Variants in SELPLG observed in about 807,000 individuals in gnomAD.
SELPLG encodes the protein P-selectin glycoprotein ligand 1.
In SELPLG, 2 loss-of-function variants were observed where a neutral mutation model predicts 1.1. That is an observed-to-expected ratio of 1.82 (90% CI 0.74 to 5.71). The LOEUF (loss-of-function observed/expected upper bound fraction) is 5.71, where lower values mean the gene tolerates loss of function less well. Among genes scored for constraint, SELPLG ranks in the 30% most tolerant of loss-of-function variants. SELPLG has a pLI of 0.05. For missense variants in SELPLG, 478 were observed against 524.7 expected, an observed-to-expected ratio of 0.91 and a Z score of 0.87; for synonymous variants, 230 against 221.2, an observed-to-expected ratio of 1.04 and a Z score of -0.35.
intron 1 of SELPLG, among the ~76,000 whole-genome samples, chr12:108,626,116 T>C (rs2031931513): frequency 6.7e-6 from 1 of 150,204 alleles, no homozygotes; most frequent in Non-Finnish European, 1.5e-5. Flanking sequence ...TAGAATTATG[T>C]TGGTTTCTTT....
intron 1 of SELPLG, among the ~76,000 whole-genome samples, chr12:108,629,112 C>T (rs1226898486): frequency 2.0e-5 from 3 of 152,162 alleles, no homozygotes; most frequent in Admixed American, 2.0e-4. Flanking sequence ...CTCTCTACCT[C>T]CCCTGTGGGT....
At chr12:108,631,629 G>A (rs2032055509) in intron 1 of SELPLG, among the ~76,000 whole-genome samples, 1 of 152,048 alleles carries the variant, frequency 6.6e-6, no homozygotes, top group African/African-American at 2.4e-5. Context: ...AGTGTTAGTT[G>A]AGATTTTTTT....
Position 108,622,748 on chromosome 12 carries a change from T to C in SELPLG, c.*321A>G, listed in dbSNP as rs2031844377. 1 of 302,676 alleles carries C rather than the reference T, an allele frequency of 3.3e-6. No individual in the cohort carries two copies. The highest frequency in any genetic ancestry group is 4.6e-5 in the Admixed American group (1 of 21,914). 18.7% of individuals were successfully genotyped at this position (302,676 alleles called of 1,614,324 possible). A position where few individuals can be genotyped will look rare whatever the true frequency, so the allele number is the denominator to read the frequency against. ...GAGAAGCGGGGAGAGCCATGGGAGA[T>C]GTTAGAGGGACCCAGAGAAGATGGG... On this transcript the variant is annotated 3_prime_UTR_variant, in exon 2 of 2. Transcript: ENST00000550948.
intron 1 of SELPLG, among the ~76,000 whole-genome samples, chr12:108,624,686 CTTTTTTCTTTT>C (rs1053488224): frequency 7.0e-5 from 10 of 143,002 alleles, no homozygotes; most frequent in African/African-American, 2.7e-4. Flanking sequence ...CATGTCACTC[CTTTTTTCTTTT>C]TTTTTTTTTT....
intron 1 of SELPLG, chr12:108,632,097 A>C: frequency 1.6e-6 from 1 of 629,874 alleles, no homozygotes; most frequent in Non-Finnish European, 2.8e-6. Flanking sequence ...AGCTCCTCTG[A>C]ATGCCCCACT....
At chr12:108,632,209 G>A in intron 1 of SELPLG, 1 of 408,884 alleles carries the variant, frequency 2.4e-6, no homozygotes, top group South Asian at 3.7e-5. Context: ...CCAGGGCACG[G>A]CCTCGGAAGA....
chr12:108,623,735 T>C lies in SELPLG; in HGVS notation c.573A>G (p.Ala191=). 1.9e-6 allele frequency: 3 copies of C among 1,607,066 alleles called. No homozygotes were observed. The highest frequency in any genetic ancestry group is 2.5e-6 in the Non-Finnish European group (3 of 1,177,710). ...CCATGGCTGCTGGTGCAGTGGTCTG[T>C]GCCTCCAGGCCTGTGGGTTGAGTGG... is the stretch of plus-strand genomic sequence containing the variant. The part of the protein sequence containing the change: ...AQTTQPTGLE[A]QTTAPAAMEA... The change falls in exon 2 of 2, where the codon GCA becomes GCG. Residue 191 remains alanine (A), a synonymous_variant. Transcript: ENST00000550948.
intron 1 of SELPLG, among the ~76,000 whole-genome samples, chr12:108,632,825 AATT>A (rs545944078): frequency 3.3e-5 from 5 of 152,054 alleles, no homozygotes; most frequent in Admixed American, 6.5e-5. Context: ...CAAATATTCT[AATT>A]ATTATTATTA....
rs1311065182 is a variant in SELPLG, at chr12:108,623,879, G to A, written c.429C>T (p.Thr143=). 1 of 1,067,666 alleles carries A rather than the reference G, an allele frequency of 9.4e-7. No homozygotes were observed. The highest frequency in any genetic ancestry group is 1.3e-6 in the Non-Finnish European group (1 of 779,432). 66.1% of individuals were successfully genotyped at this position (1,067,666 alleles called of 1,614,324 possible). The change falls in exon 2 of 2, where the codon ACC becomes ACT. Residue 143 remains threonine (T), a synonymous_variant. Coordinates refer to ENST00000550948, the MANE Select transcript of SELPLG (RefSeq NM_003006.4). ...GTGCCTCTGTGGCTGCCAGTGGAGT[G>A]GTCTGTGCCTCCGTGGGCACTGGTT... The part of the protein sequence containing the change: ...TTQPVPTEAQ[T]TPLAATEAQT...
At chr12:108,626,924 G>A (rs561140993) in intron 1 of SELPLG, among the ~76,000 whole-genome samples, 2 of 152,244 alleles carry the variant, frequency 1.3e-5, no homozygotes, top group East Asian at 3.9e-4. Context: ...GGCCAACATG[G>A]TGAAACCCTG....
intron 1 of SELPLG, 97 bp from the exon 2 acceptor site, chr12:108,624,409 G>T: frequency 8.6e-7 from 1 of 1,169,124 alleles, no homozygotes. Flanking sequence ...ACAGCTGGAA[G>T]CATGTCTGGT....
At chr12:108,631,224 C>T (rs1427211439) in intron 1 of SELPLG, among the ~76,000 whole-genome samples, 5 of 152,202 alleles carry the variant, frequency 3.3e-5, no homozygotes, top group Non-Finnish European at 7.3e-5. Flanking sequence ...TCTCTGTAGA[C>T]ATTTTTTCCC....
intron 1 of SELPLG, among the ~76,000 whole-genome samples, 158 bp downstream of exon 1, chr12:108,633,582 T>C (rs935587129): frequency 1.3e-5 from 2 of 152,142 alleles, no homozygotes; most frequent in Non-Finnish European, 2.9e-5. Flanking sequence ...AGGAAGACTT[T>C]AGTCTTGAGT....
In SELPLG at chr12:108,623,030, G is replaced by A. The variant is rs8179162; in HGVS notation, c.*39C>T. The A allele has an allele frequency of 0.018, 25,968 of 1,456,560 alleles. 444 individuals carry two copies. Among genetic ancestry groups the A allele is most frequent in the South Asian group, 0.072 (4,927 of 68,612 alleles). 90.2% of individuals were successfully genotyped at this position (1,456,560 alleles called of 1,614,324 possible). A position where few individuals can be genotyped will look rare whatever the true frequency, so the allele number is the denominator to read the frequency against. On this transcript the variant is annotated 3_prime_UTR_variant, in exon 2 of 2. Transcript: ENST00000550948. ...ACTCAGGGGTGGCCCAGGAGAGCCCGTGGAGGTGGGGTCTTGCCAAAACAG... is the reference window on the plus strand; with the variant it reads ...ACTCAGGGGTGGCCCAGGAGAGCCCATGGAGGTGGGGTCTTGCCAAAACAG...
At chr12:108,629,642 G>C (rs1046288100) in intron 1 of SELPLG, among the ~76,000 whole-genome samples, 1 of 152,146 alleles carries the variant, frequency 6.6e-6, no homozygotes, top group Non-Finnish European at 1.5e-5. Flanking sequence ...CCAGGTCAAG[G>C]CTGCAGTGAG....
Position 108,632,120 on chromosome 12 carries a change from T to A in SELPLG, c.-6+1620A>T, listed in dbSNP as rs779731401. 6 of 596,146 alleles carry A rather than the reference T, an allele frequency of 1.0e-5. No homozygotes were observed. In the South Asian group the frequency reaches 1.2e-4, roughly 12 times the overall value. 36.9% of individuals were successfully genotyped at this position (596,146 alleles called of 1,614,324 possible). ...TGAATGCCCCACTCTGGGCCCAGCC[T>A]AGCAACCCAGCCCTTCCGCTCTCTG... On this transcript the variant is annotated intron_variant, in intron 1 of 1. Coordinates refer to ENST00000550948, the MANE Select transcript of SELPLG (RefSeq NM_003006.4).
chr12:108,624,332 G>A lies in SELPLG; in HGVS notation c.-5-20C>T, dbSNP rs566444201. 81 of 1,606,428 alleles carry A rather than the reference G, an allele frequency of 5.0e-5. No individual in the cohort carries two copies. The highest frequency in any genetic ancestry group is 6.0e-5 in the Non-Finnish European group (70 of 1,175,824). ...TGGCACCTAGGAGGAGACAATGGGCGGAGGGATGTCAAGACAGTTTCACCC... is the reference window on the plus strand; with the variant it reads ...TGGCACCTAGGAGGAGACAATGGGCAGAGGGATGTCAAGACAGTTTCACCC... On this transcript the variant is annotated intron_variant, in intron 1 of 1. Coordinates refer to ENST00000550948, the MANE Select transcript of SELPLG (RefSeq NM_003006.4).
rs1301611274 is a variant in SELPLG at position 108,623,311 on chromosome 12, T to C, written c.997A>G (p.Ile333Val). 13 of 1,613,910 alleles carry C rather than the reference T, an allele frequency of 8.1e-6. No homozygotes were observed. Among genetic ancestry groups the C allele is most frequent in the Admixed American group, 1.7e-5 (1 of 59,998 alleles). Residue 333 changes from isoleucine (I) to valine (V), a missense_variant, in exon 2 of 2, where the codon ATC (isoleucine) becomes GTC (valine). Physicochemically the swap from Ile to Val is conservative, Grantham distance 29. Coordinates refer to ENST00000550948, the MANE Select transcript of SELPLG (RefSeq NM_003006.4). ...AGCACCACAGTGCACACGAAGAAGA[T>C]AGTGGCCACCAGCGCCAAGATTAGG... ...AILILALVATIFFVCTVVLAV... is the reference protein window; with the variant it reads ...AILILALVATVFFVCTVVLAV...
intron 1 of SELPLG, among the ~76,000 whole-genome samples, chr12:108,631,084 CA>C (rs1308928343): frequency 1.3e-5 from 2 of 152,190 alleles, no homozygotes; most frequent in Non-Finnish European, 2.9e-5. Context: ...CAGAAGAGGA[CA>C]TGTGACTGAG....
Sources: gnomAD v4.1 joint callset for allele counts (sites outside exome capture counted in the v4.1 genomes callset) on GRCh38, gnomAD v4.1.1 for gene constraint, MANE v1.5 for transcripts, NCBI Gene and HGNC (gene_info 2026-07-23, HGNC 2026-07-21) for gene names.